FHIT: variants seen among roughly 807,000 people sequenced by gnomAD.
The protein encoded by FHIT is fragile histidine triad diadenosine triphosphatase.
In FHIT, 19 loss-of-function variants were observed where a neutral mutation model predicts 17.9. The observed-to-expected ratio is 1.06, with a 90% CI of 0.74 to 1.56. The LOEUF is 1.56. FHIT is among the 40% of genes most tolerant of loss of function. The pLI is 0.00. For missense variants in FHIT, 248 were observed against 189.2 expected, an observed-to-expected ratio of 1.31 and a Z score of -1.82; for synonymous variants, 81 against 69.7, an observed-to-expected ratio of 1.16 and a Z score of -0.81.
At chr3:61,092,025 G>C (rs1259569390) in intron 2 of FHIT, among the ~76,000 whole-genome samples, 1 of 144,764 alleles carries the variant, frequency 6.9e-6, no homozygotes, top group Non-Finnish European at 1.5e-5. Context: ...GCTACTATCA[G>C]CAGGAAGAAT....
chr3:60,839,812 T>C (rs1702658796), intron 3 of FHIT, among the ~76,000 whole-genome samples: 1 of 152,156 alleles, frequency 6.6e-6, no homozygotes, highest in African/African-American at 2.4e-5. Context: ...TGCATTTACA[T>C]AACTGCTATC....
rs544881778 is a variant in FHIT, at chr3:60,919,447, G to A, written c.-110-97436C>T. On this transcript the variant is annotated intron_variant, in intron 3 of 9. Transcript: ENST00000492590. The stretch of plus-strand genomic sequence containing the variant: ...TCTATATCTATTATGATATGGGCAA[G>A]AAACAGATGACTCACAAAATACTCA... Among the ~76,000 whole-genome samples, 19 of 149,776 alleles carry A rather than the reference G, an allele frequency of 1.3e-4. No homozygotes were observed. The South Asian group carries it at 2.7e-3, about 22-fold the overall frequency.
intron 3 of FHIT, among the ~76,000 whole-genome samples, chr3:60,981,248 GCA>G (rs1393225635): frequency 2.0e-5 from 3 of 151,340 alleles, no homozygotes; most frequent in Non-Finnish European, 2.9e-5. Context: ...AGGTCCCAAG[GCA>G]ACATCTCTGA....
At chr3:60,071,396 G>A (rs1259756806) in intron 5 of FHIT, among the ~76,000 whole-genome samples, 2 of 152,028 alleles carry the variant, frequency 1.3e-5, no homozygotes, top group African/African-American at 2.4e-5. Flanking sequence ...AATTACACAA[G>A]TGGCTTGCAT....
intron 5 of FHIT, among the ~76,000 whole-genome samples, chr3:60,212,782 G>A (rs1013268534): frequency 1.3e-5 from 2 of 152,144 alleles, no homozygotes; most frequent in African/African-American, 4.8e-5. Context: ...AAAACAAGAT[G>A]AAATGGAAGA....
intron 8 of FHIT, among the ~76,000 whole-genome samples, chr3:59,830,674 A>G (rs763118074): frequency 6.6e-6 from 1 of 152,232 alleles, no homozygotes; most frequent in Non-Finnish European, 1.5e-5. Context: ...AATTCTGCAG[A>G]CATAAATTCC....
intron 5 of FHIT, among the ~76,000 whole-genome samples, chr3:60,264,850 CT>C (rs35629879): frequency 6.6e-6 from 1 of 151,822 alleles, no homozygotes; most frequent in African/African-American, 2.4e-5. Context: ...GTTTCTCAAT[CT>C]TTTTTTCATC....
chr3:60,580,720 A>C (rs922378725), intron 4 of FHIT, among the ~76,000 whole-genome samples: 1 of 152,062 alleles, frequency 6.6e-6, no homozygotes. Flanking sequence ...CAGGTAAGTC[A>C]CTTCTTCCTT....
At chr3:60,025,131 T>C (rs1038780647) in intron 5 of FHIT, among the ~76,000 whole-genome samples, 1 of 152,134 alleles carries the variant, frequency 6.6e-6, no homozygotes, top group Admixed American at 6.5e-5. Context: ...TGAGATACGG[T>C]GGGTGGGACA....
chr3:61,014,843 T>TATGTATATATATGTATATATATGC (rs1337472019), intron 3 of FHIT, among the ~76,000 whole-genome samples: 2 of 139,546 alleles, frequency 1.4e-5, no homozygotes, highest in African/African-American at 5.4e-5. Context: ...CATCCTTATA[T>TATGTATATATATGTATATATATGC]ATGTATATAT....
At chr3:61,197,465 C>T (rs151249627) in intron 2 of FHIT, among the ~76,000 whole-genome samples, 4 of 151,792 alleles carry the variant, frequency 2.6e-5, no homozygotes, top group Non-Finnish European at 5.9e-5. Flanking sequence ...ATTGATATAC[C>T]TGTTAAAAAA....
chr3:60,743,989 C>A (rs1022866781), intron 4 of FHIT, among the ~76,000 whole-genome samples: 14 of 152,136 alleles, frequency 9.2e-5, no homozygotes, highest in African/African-American at 2.7e-4. Flanking sequence ...ACTTCCCCTG[C>A]AGTGGCAGCT....
chr3:61,000,075 G>T (rs562196581), intron 3 of FHIT, among the ~76,000 whole-genome samples: 1 of 152,262 alleles, frequency 6.6e-6, no homozygotes, highest in South Asian at 2.1e-4. Context: ...AATGTTGGGG[G>T]TACACAAACA....
At chr3:59,940,416 T>C (rs1052543346) in intron 7 of FHIT, among the ~76,000 whole-genome samples, 2 of 152,200 alleles carry the variant, frequency 1.3e-5, no homozygotes, top group Admixed American at 6.5e-5. Flanking sequence ...ATTTACTAAA[T>C]GGGAACAGGT....
intron 5 of FHIT, among the ~76,000 whole-genome samples, chr3:60,070,542 C>A (rs1320782769): frequency 1.3e-5 from 2 of 152,018 alleles, no homozygotes; most frequent in Non-Finnish European, 2.9e-5. Flanking sequence ...CCACACCTGT[C>A]CCTCTGTCCC....
chr3:61,191,432 G>A (rs1297201328), intron 2 of FHIT, among the ~76,000 whole-genome samples: 1 of 152,092 alleles, frequency 6.6e-6, no homozygotes, highest in East Asian at 1.9e-4. Flanking sequence ...TTACACCACC[G>A]GCTTTCCTGG....
intron 5 of FHIT, among the ~76,000 whole-genome samples, chr3:60,263,738 C>T (rs1184822824): frequency 6.6e-6 from 1 of 151,730 alleles, no homozygotes; most frequent in East Asian, 1.9e-4. Context: ...CTACAGTAAT[C>T]CACAGTGTAT....
intron 4 of FHIT, among the ~76,000 whole-genome samples, chr3:60,776,629 C>A (rs1302255184): frequency 6.6e-6 from 1 of 152,154 alleles, no homozygotes; most frequent in Non-Finnish European, 1.5e-5. Context: ...ACTAACCGCA[C>A]CCTTAACTAA....
At position 60,214,965 on chromosome 3, in the gene FHIT, T is replaced by C. The variant is rs751169278; in HGVS notation, c.104-200813A>G. On this transcript the variant is annotated intron_variant, in intron 5 of 9. Transcript: ENST00000492590. Reference sequence around the variant, plus strand: ...CTCACTTATAAGTGGGAGCTAAACATTGAATACATATAGACACAAAGATGG... The same window carrying C: ...CTCACTTATAAGTGGGAGCTAAACACTGAATACATATAGACACAAAGATGG... Among the ~76,000 whole-genome samples the C allele has an allele frequency of 3.6e-4, 55 of 151,856 alleles. 1 individual carries two copies. Among genetic ancestry groups the C allele is most frequent in the Non-Finnish European group, 7.5e-4 (51 of 67,972 alleles).
Sources: allele counts gnomAD v4.1 joint callset (sites outside exome capture counted in the v4.1 genomes callset), GRCh38; gene constraint gnomAD v4.1.1; transcripts MANE v1.5; gene names NCBI Gene and HGNC (gene_info 2026-07-23, HGNC 2026-07-21).